The following FDFT1 variants were observed in gnomAD, a reference collection of about 807,000 sequenced individuals.
FDFT1 encodes the protein squalene synthase.
A neutral mutation model predicts 46.8 loss-of-function variants in FDFT1; 68 were observed. That is an observed-to-expected ratio of 1.45 (90% CI 1.19 to 1.78). The LOEUF (loss-of-function observed/expected upper bound fraction) is 1.78. Among genes scored for constraint, FDFT1 ranks in the 40% most tolerant of loss-of-function variants. FDFT1 has a pLI of 0.00. For missense variants in FDFT1, 928 were observed against 524.4 expected (o/e 1.77, Z -7.52); for synonymous variants, 351 against 185.1 (o/e 1.90, Z -7.28).
intron 7 of FDFT1, among the ~76,000 whole-genome samples, chr8:11,832,056 G>A (rs140477680): frequency 6.6e-6 from 1 of 152,268 alleles, no homozygotes; most frequent in Non-Finnish European, 1.5e-5. Context: ...CCGTCCATGT[G>A]TCCTGACACC....
At chr8:11,835,971 TAAAAAAAAAAA>T (rs755611965) in intron 7 of FDFT1, among the ~76,000 whole-genome samples, 8 of 64,610 alleles carry the variant, frequency 1.2e-4, no homozygotes, top group Non-Finnish European at 1.8e-4. Flanking sequence ...CTGTCTCTAC[TAAAAAAAAAAA>T]AAAAAAAAAA....
rs774654663 is a variant in FDFT1 at position 11,831,504 on chromosome 8, CTTG to C, written c.880-9_880-7del. On this transcript the variant is annotated splice_polypyrimidine_tract_variant and intron_variant, in intron 6 of 7. Transcript: ENST00000220584. ...TCATTTCTTCTTTTTTCCCTCTCTT[CTTG>C]TTGTCTCTAGGTGATGGCCATTGCC... 3.1e-6 allele frequency: 5 copies of C among 1,604,404 alleles called. No individual in the cohort carries two copies. The highest frequency in any genetic ancestry group is 2.3e-5 in the East Asian group (1 of 44,102).
chr8:11,830,163 G>A (rs1810573441), intron 5 of FDFT1, 81 bp from the exon 6 acceptor site: 1 of 1,163,104 alleles, frequency 8.6e-7, no homozygotes, highest in African/African-American at 1.5e-5. Flanking sequence ...TAGTTCTTAT[G>A]CACAAAGACC....
In FDFT1 at chr8:11,830,283, A is replaced by T; in HGVS notation, c.742A>T (p.Lys248Ter). 6.2e-7 allele frequency: 1 copy of T among 1,614,096 alleles called. No individual in the cohort carries two copies. Among genetic ancestry groups the T allele is most frequent in the Non-Finnish European group, 8.5e-7 (1 of 1,179,944 alleles). ...RYVKKLGDFA[K>*]PENIDLAVQC... ...TGTTAAGAAGTTAGGGGATTTTGCT[A>T]AGCCGGAGAATATTGACTTGGCCGT... The change falls in exon 6 of 8, where the codon AAG becomes TAG. Residue 248 changes from lysine to a stop codon, truncating the protein, a stop_gained. Coordinates refer to ENST00000220584, the MANE Select transcript of FDFT1 (RefSeq NM_004462.5). LOFTEE classifies it high-confidence loss of function.
chr8:11,836,287 T>C (rs1012826849), intron 7 of FDFT1, among the ~76,000 whole-genome samples: 3 of 152,230 alleles, frequency 2.0e-5, no homozygotes, highest in African/African-American at 7.2e-5. Flanking sequence ...AAGAGTAGTG[T>C]GTGAGACCCT....
At chr8:11,814,716 C>G (rs1808201968) in intron 3 of FDFT1, among the ~76,000 whole-genome samples, 1 of 152,194 alleles carries the variant, frequency 6.6e-6, no homozygotes, top group African/African-American at 2.4e-5. Context: ...CAGCATGCCT[C>G]ATACTGAGTT....
At position 11,830,307 on chromosome 8, in the gene FDFT1, G is replaced by A. The variant is rs570109609; in HGVS notation, c.766G>A (p.Val256Met). The A allele has an allele frequency of 1.4e-5, 22 of 1,613,592 alleles. No individual in the cohort carries two copies. The highest frequency in any genetic ancestry group is 9.3e-5 in the African/African-American group (7 of 75,002). The change falls in exon 6 of 8, where the codon GTG becomes ATG. Residue 256 changes from valine (V) to methionine (M), a missense_variant. Transcript: ENST00000220584. ...FAKPENIDLA[V>M]QCLNELITNA... ...TAAGCCGGAGAATATTGACTTGGCCGTGCAGTGCCTGAATGAACTTATAAC... is the reference window on the plus strand; with the variant it reads ...TAAGCCGGAGAATATTGACTTGGCCATGCAGTGCCTGAATGAACTTATAAC...
chr8:11,812,233 G>C (rs1023985825), intron 3 of FDFT1, among the ~76,000 whole-genome samples: 12 of 152,194 alleles, frequency 7.9e-5, no homozygotes, highest in Non-Finnish European at 1.3e-4. Flanking sequence ...TGGACATCTG[G>C]AGTTCCTTGC....
At chr8:11,816,344 T>G (rs920518810) in intron 3 of FDFT1, among the ~76,000 whole-genome samples, 2 of 152,212 alleles carry the variant, frequency 1.3e-5, no homozygotes, top group Admixed American at 6.5e-5. Flanking sequence ...TTGTCTTGGC[T>G]ATGCAGGCTC....
Position 11,831,527 on chromosome 8 carries a change from A to T in FDFT1, c.889A>T (p.Ile297Phe). The T allele has an allele frequency of 1.9e-6, 3 of 1,614,082 alleles. No individual in the cohort carries two copies. Among genetic ancestry groups the T allele is most frequent in the Non-Finnish European group, 2.5e-6 (3 of 1,179,950 alleles). The part of the protein sequence containing the change: ...NFCAIPQVMA[I>F]ATLAACYNNQ... ...TTCTTGTTGTCTCTAGGTGATGGCC[A>T]TTGCCACTTTGGCTGCCTGTTATAA... The change falls in exon 7 of 8, where the codon ATT (isoleucine) becomes TTT (phenylalanine). Residue 297 changes from isoleucine to phenylalanine, a missense_variant. Physicochemically the swap from Ile to Phe is conservative, Grantham distance 21. Transcript: ENST00000220584.
At chr8:11,818,879 A>T (rs959656865) in intron 3 of FDFT1, among the ~76,000 whole-genome samples, 1 of 152,088 alleles carries the variant, frequency 6.6e-6, no homozygotes, top group African/African-American at 2.4e-5. Flanking sequence ...GTTATGTTTG[A>T]ATTTGATCTG....
At chr8:11,818,734 A>C (rs1194698019) in intron 3 of FDFT1, among the ~76,000 whole-genome samples, 2 of 151,020 alleles carry the variant, frequency 1.3e-5, no homozygotes, top group Non-Finnish European at 2.9e-5. Context: ...GTTTATTTTG[A>C]GCCTATGTGC....
intron 5 of FDFT1, among the ~76,000 whole-genome samples, chr8:11,827,904 A>C (rs1446759089): frequency 6.6e-6 from 1 of 151,734 alleles, no homozygotes; most frequent in Non-Finnish European, 1.5e-5. Flanking sequence ...ACAAAACAAA[A>C]AAAACAGTAA....
chr8:11,808,976 C>A, intron 2 of FDFT1, 85 bp downstream of exon 2: 1 of 1,539,482 alleles, frequency 6.5e-7, no homozygotes, highest in Non-Finnish European at 8.8e-7. Context: ...TTTGATATAG[C>A]GCTCAGCGTT....
chr8:11,818,101 C>T (rs923363581), intron 3 of FDFT1, among the ~76,000 whole-genome samples: 2 of 152,168 alleles, frequency 1.3e-5, no homozygotes, highest in African/African-American at 4.8e-5. Context: ...TTTATTTCTG[C>T]TTTCATTTCG....
At chr8:11,819,387 G>A (rs1343755845) in intron 3 of FDFT1, among the ~76,000 whole-genome samples, 1 of 152,178 alleles carries the variant, frequency 6.6e-6, no homozygotes, top group African/African-American at 2.4e-5. Flanking sequence ...GAATTTGAAT[G>A]TTGACCTGCC....
At position 11,808,951 on chromosome 8, in the gene FDFT1, T is replaced by C. The variant is rs1807312073; in HGVS notation, c.197+60T>C. ...AAAGCTTGTCCGGGACCTTTGAGTG[T>C]GTTGGAAGCTACCTTTTGATATAGC... On this transcript the variant is annotated intron_variant, in intron 2 of 7. Coordinates refer to ENST00000220584, the MANE Select transcript of FDFT1 (RefSeq NM_004462.5). 5.1e-6 allele frequency: 8 copies of C among 1,575,316 alleles called. No homozygotes were observed. In the Admixed American group the frequency reaches 1.1e-4, roughly 22 times the overall value.
chr8:11,801,847 C>T (rs1313477775), upstream of FDFT1: 5 of 416,846 alleles, frequency 1.2e-5, no homozygotes, highest in African/African-American at 2.1e-5. Context: ...GCGCCCACCA[C>T]CACACTCGGC....
intron 3 of FDFT1, 101 bp downstream of exon 3, chr8:11,809,951 A>G (rs1807472525): frequency 6.9e-6 from 6 of 873,054 alleles, no homozygotes; most frequent in Admixed American, 3.0e-5. Flanking sequence ...TTAAATAAGC[A>G]TTCTGAGGGC....
Sources: allele counts gnomAD v4.1 joint callset (sites outside exome capture counted in the v4.1 genomes callset), GRCh38; gene constraint gnomAD v4.1.1; transcripts MANE v1.5; gene names NCBI Gene and HGNC (gene_info 2026-07-23, HGNC 2026-07-21).